ZFR2: variants seen among roughly 807,000 people sequenced by gnomAD.
ZFR2 encodes the protein zinc finger RNA binding protein 2, also known as zinc finger RNA-binding protein 2.
Under a neutral mutation model 105.7 loss-of-function variants are expected in ZFR2, and 104 were observed. That is an observed-to-expected ratio of 0.98 (90% CI 0.84 to 1.16). The LOEUF is 1.16. Among genes scored for constraint, ZFR2 ranks in the 50% most tolerant of loss-of-function variants. The pLI is 0.00. For synonymous variants in ZFR2, 634 were observed against 597.7 expected, an observed-to-expected ratio of 1.06 and a Z score of -0.89; for missense variants, 1,425 against 1,355.5, an observed-to-expected ratio of 1.05 and a Z score of -0.80.
chr19:3,836,986 A>G (rs1460179629), intron 1 of ZFR2, among the ~76,000 whole-genome samples: 1 of 152,068 alleles, frequency 6.6e-6, no homozygotes, highest in Admixed American at 6.6e-5. Context: ...CATTTTGGGG[A>G]AAATGGATTA....
chr19:3,820,382 C>A, intron 10 of ZFR2, 92 bp from the exon 11 acceptor site: 2 of 1,248,080 alleles, frequency 1.6e-6, no homozygotes, highest in Non-Finnish European at 2.2e-6. Flanking sequence ...ATGCTCCCAG[C>A]AAGGAAGGAA....
chr19:3,868,720 G>A (rs906090573), intron 1 of ZFR2, among the ~76,000 whole-genome samples: 3 of 151,196 alleles, frequency 2.0e-5, no homozygotes, highest in Middle Eastern at 3.4e-3. Context: ...CGCTCCCGCC[G>A]ACAGACACCG....
chr19:3,824,734 C>T (rs1453286705), intron 7 of ZFR2, among the ~76,000 whole-genome samples: 2 of 152,144 alleles, frequency 1.3e-5, no homozygotes, highest in East Asian at 1.9e-4. Context: ...GTCAGGAGTT[C>T]GAGACCAGCC....
rs914086885 is a variant in ZFR2 at position 3,863,757 on chromosome 19, G to A, written c.53+5208C>T. On this transcript the variant is annotated intron_variant, in intron 1 of 18. Coordinates refer to ENST00000262961, the MANE Select transcript of ZFR2 (RefSeq NM_015174.2). ...TGGTCAGGGCTGGGTTCCACACCACGGCTGCCTCTCTAGGCTCCAGCAGCC... is the reference window on the plus strand; with the variant it reads ...TGGTCAGGGCTGGGTTCCACACCACAGCTGCCTCTCTAGGCTCCAGCAGCC... 1.1e-4 allele frequency among the ~76,000 whole-genome samples: 17 copies of A among 152,266 alleles called. No homozygotes were observed. In the East Asian group the frequency reaches 2.1e-3, roughly 19 times the overall value.
intron 1 of ZFR2, among the ~76,000 whole-genome samples, chr19:3,862,577 T>C (rs1334232556): frequency 2.0e-5 from 3 of 152,208 alleles, no homozygotes; most frequent in Admixed American, 6.5e-5. Flanking sequence ...GGATTACAAG[T>C]GTGAGCCACC....
At position 3,831,728 on chromosome 19, in the gene ZFR2, T is replaced by C; in HGVS notation, c.530A>G (p.Glu177Gly). ...TYPTATGVQP[E>G]SSASIVTSYP... Reference sequence around the variant, plus strand: ...GGAGGTCACGATGGAAGCTGACGACTCGGGCTGGACGCCTGTCGCCGTGGG... The same window carrying C: ...GGAGGTCACGATGGAAGCTGACGACCCGGGCTGGACGCCTGTCGCCGTGGG... Residue 177 changes from glutamate to glycine, a missense_variant, in exon 4 of 19, where the codon GAG (glutamate) becomes GGG (glycine). By Grantham distance (98) the Glu-to-Gly change is moderately conservative. Transcript: ENST00000262961. The C allele has an allele frequency of 6.2e-7, 1 of 1,601,892 alleles. No individual in the cohort carries two copies. The highest frequency in any genetic ancestry group is 1.1e-5 in the South Asian group (1 of 89,086).
chr19:3,831,924 C>T, intron 3 of ZFR2, 46 bp from the exon 4 acceptor site: 2 of 1,449,978 alleles, frequency 1.4e-6, no homozygotes, highest in South Asian at 2.7e-5. Flanking sequence ...CCCCACCCCA[C>T]TGTCCCTCAC....
chr19:3,836,175 A>G (rs764594791), intron 1 of ZFR2, among the ~76,000 whole-genome samples: 1 of 152,190 alleles, frequency 6.6e-6, no homozygotes, highest in African/African-American at 2.4e-5. Flanking sequence ...TGGCTGTTAC[A>G]TTCCATTGTT....
intron 1 of ZFR2, 88 bp downstream of exon 1, chr19:3,868,877 G>C (rs1210411769): frequency 1.8e-6 from 2 of 1,088,356 alleles, no homozygotes; most frequent in South Asian, 8.6e-5. Context: ...GCCGGGCCGG[G>C]CGCACGCGGC....
chr19:3,841,039 C>T (rs946856929), intron 1 of ZFR2, among the ~76,000 whole-genome samples: 2 of 152,172 alleles, frequency 1.3e-5, no homozygotes, highest in South Asian at 2.1e-4. Flanking sequence ...GTGCCTTGTT[C>T]GCTCTAGGTT....
intron 1 of ZFR2, chr19:3,855,659 AG>A: frequency 5.1e-6 from 2 of 389,098 alleles, no homozygotes; most frequent in Non-Finnish European, 4.5e-6. Flanking sequence ...GGGTGTGAGC[AG>A]GGGGTTGCAC....
At chr19:3,824,698 A>T (rs2037930202) in intron 7 of ZFR2, among the ~76,000 whole-genome samples, 1 of 152,218 alleles carries the variant, frequency 6.6e-6, no homozygotes, top group African/African-American at 2.4e-5. Flanking sequence ...GCACTTTGGA[A>T]TGCCGAGGCT....
At chr19:3,862,033 G>A (rs2038379793) in intron 1 of ZFR2, among the ~76,000 whole-genome samples, 1 of 151,856 alleles carries the variant, frequency 6.6e-6, no homozygotes, top group Non-Finnish European at 1.5e-5. Context: ...ATCTGATCAG[G>A]GCCTTTGTCC....
chr19:3,838,026 G>A lies in ZFR2; in HGVS notation c.54-3043C>T, dbSNP rs114186365. Among the ~76,000 whole-genome samples, 1,752 of 149,962 alleles carry A rather than the reference G, an allele frequency of 0.012. 29 individuals carry two copies. Among genetic ancestry groups the A allele is most frequent in the African/African-American group, 0.035 (1,411 of 40,636 alleles). ...GTGACTGTGACACTTGATGAACACC[G>A]TGACTGTGACACACGATGAACACCA... is the stretch of plus-strand genomic sequence containing the variant. On this transcript the variant is annotated intron_variant, in intron 1 of 18. Transcript: ENST00000262961. The surrounding 1 kb of genome is among the most constrained non-coding windows in gnomAD (Gnocchi z 4.9).
chr19:3,814,365 C>T (rs2037803340), intron 13 of ZFR2, among the ~76,000 whole-genome samples: 1 of 152,158 alleles, frequency 6.6e-6, no homozygotes. Context: ...AAACTAAAAC[C>T]ATAATGAGAC....
intron 17 of ZFR2, among the ~76,000 whole-genome samples, chr19:3,808,567 G>T (rs1317794027): frequency 6.6e-6 from 1 of 152,196 alleles, no homozygotes; most frequent in Non-Finnish European, 1.5e-5. Flanking sequence ...CTCTGTGCCG[G>T]GGTGGCTCTG....
Position 3,833,847 on chromosome 19 carries a change from C to T in ZFR2, c.265-69G>A, listed in dbSNP as rs553291144. 2.9e-5 allele frequency: 35 copies of T among 1,207,684 alleles called. No homozygotes were observed. In the East Asian group the frequency reaches 3.3e-4, roughly 12 times the overall value. 74.8% of individuals were successfully genotyped at this position (1,207,684 alleles called of 1,614,324 possible). A position where few individuals can be genotyped will look rare whatever the true frequency, so the allele number is the denominator to read the frequency against. ...AGCAGCTCAGGCGGTGGGTGCGACG[C>T]GCCCTGCCACACTGCACTCTGCACT... On this transcript the variant is annotated intron_variant, in intron 2 of 18. Coordinates refer to ENST00000262961, the MANE Select transcript of ZFR2 (RefSeq NM_015174.2).
At position 3,834,939 on chromosome 19, in the gene ZFR2, T is replaced by C. The variant is rs377600327; in HGVS notation, c.98A>G (p.Tyr33Cys). The change falls in exon 2 of 19, where the codon TAT (tyrosine) becomes TGT (cysteine). Residue 33 changes from tyrosine to cysteine, a missense_variant. By Grantham distance (194) the Tyr-to-Cys change is radical. Transcript: ENST00000262961. The surrounding 1 kb of genome is among the most constrained non-coding windows in gnomAD (Gnocchi z 5.3). ...TLPLPTVGAS[Y>C]TAQPTPGMDP... is the part of the protein sequence containing the mutation. The stretch of plus-strand genomic sequence containing the variant: ...CATCCCAGGAGTGGGTTGTGCAGTA[T>C]AGCTGGCCCCCACAGTGGGCAGGGG... 39 of 1,611,670 alleles carry C rather than the reference T, an allele frequency of 2.4e-5. No individual in the cohort carries two copies. Among genetic ancestry groups the C allele is most frequent in the Admixed American group, 5.0e-5 (3 of 59,638 alleles).
chr19:3,821,984 T>G (rs1275675118), intron 9 of ZFR2, 97 bp downstream of exon 9: 3 of 1,470,320 alleles, frequency 2.0e-6, no homozygotes, highest in Non-Finnish European at 2.7e-6. Context: ...GTTCGTCGGA[T>G]CACACGCGCG....
Sources: allele counts gnomAD v4.1 joint callset (sites outside exome capture counted in the v4.1 genomes callset), GRCh38; gene constraint gnomAD v4.1.1; non-coding constraint Gnocchi (gnomAD v3.1); transcripts MANE v1.5; gene names NCBI Gene and HGNC (gene_info 2026-07-23, HGNC 2026-07-21).